The following MAP3K5 variants were observed in gnomAD, a reference collection of about 807,000 sequenced individuals.
MAP3K5 encodes mitogen-activated protein kinase kinase kinase 5.
Under a neutral mutation model 158.7 loss-of-function variants are expected in MAP3K5, and 56 were observed. That is an observed-to-expected ratio of 0.35 (90% confidence interval 0.28 to 0.44). The LOEUF (loss-of-function observed/expected upper bound fraction) is 0.44, where lower values mean the gene tolerates loss of function less well. Among genes scored for constraint, MAP3K5 ranks in the 20% least tolerant of loss-of-function variants. MAP3K5 has a pLI of 1.00. For missense variants in MAP3K5, 1,294 were observed against 1,674.8 expected (o/e 0.77, Z 3.97); for synonymous variants, 579 against 601.7 (o/e 0.96, Z 0.55).
intron 8 of MAP3K5, among the ~76,000 whole-genome samples, chr6:136,661,825 A>AT (rs1562590519): frequency 4.6e-5 from 7 of 152,160 alleles, no homozygotes; most frequent in African/African-American, 1.7e-4. Context: ...ACAGGCATGA[A>AT]CCACCATACC....
At chr6:136,600,646 C>T (rs945967412) in intron 21 of MAP3K5, among the ~76,000 whole-genome samples, 1 of 152,134 alleles carries the variant, frequency 6.6e-6, no homozygotes, top group African/African-American at 2.4e-5. Flanking sequence ...GAATGTATCA[C>T]CCCAAAGATG....
At chr6:136,718,436 A>G (rs1236551178) in intron 2 of MAP3K5, among the ~76,000 whole-genome samples, 1 of 152,180 alleles carries the variant, frequency 6.6e-6, no homozygotes, top group East Asian at 1.9e-4. Context: ...TCCTGGCCTC[A>G]AGTGATCCAA....
intron 26 of MAP3K5, among the ~76,000 whole-genome samples, chr6:136,567,357 G>A (rs937422658): frequency 6.6e-6 from 1 of 152,170 alleles, no homozygotes; most frequent in Non-Finnish European, 1.5e-5. Flanking sequence ...TTCTTAGACA[G>A]TCTATGAGGC....
chr6:136,585,438 T>C (rs890395269), intron 23 of MAP3K5, among the ~76,000 whole-genome samples: 1 of 151,076 alleles, frequency 6.6e-6, no homozygotes, highest in Non-Finnish European at 1.5e-5. Context: ...CTTTTCTCCT[T>C]TGAGCAAGGC....
At chr6:136,725,334 A>G (rs951555007) in intron 1 of MAP3K5, among the ~76,000 whole-genome samples, 3 of 152,354 alleles carry the variant, frequency 2.0e-5, no homozygotes, top group Non-Finnish European at 4.4e-5. Flanking sequence ...TATGAGGAGC[A>G]TCTCAGCTGT....
Position 136,558,864 on chromosome 6 carries a change from C to T in MAP3K5, c.4000G>A (p.Asp1334Asn). The change falls in exon 29 of 30, where the codon GAT (aspartate) becomes AAT (asparagine). Residue 1334 changes from aspartate (D) to asparagine (N), a missense_variant. Physicochemically the swap from Asp to Asn is conservative, Grantham distance 23. Transcript: ENST00000359015. ...EDTISRFLAE[D>N]YTLLDVLYYV... is the part of the protein sequence containing the mutation. ...TAGAGAACATCCAATAGTGTATAATCTTCAGCCAAAAACTGTAGAGAAAGT... is the reference window on the plus strand; with the variant it reads ...TAGAGAACATCCAATAGTGTATAATTTTCAGCCAAAAACTGTAGAGAAAGT... The T allele has an allele frequency of 6.3e-7, 1 of 1,591,708 alleles. No homozygotes were observed. Among genetic ancestry groups the T allele is most frequent in the Non-Finnish European group, 8.6e-7 (1 of 1,161,398 alleles).
intron 8 of MAP3K5, among the ~76,000 whole-genome samples, chr6:136,665,862 T>C (rs185199611): frequency 3.9e-5 from 6 of 152,334 alleles, no homozygotes; most frequent in African/African-American, 1.4e-4. Flanking sequence ...TACAGTAATA[T>C]ATATTTTCTA....
intron 1 of MAP3K5, among the ~76,000 whole-genome samples, chr6:136,783,215 T>C (rs1784691566): frequency 6.6e-6 from 1 of 151,380 alleles, no homozygotes; most frequent in Admixed American, 6.6e-5. Flanking sequence ...AGGCGGAGGT[T>C]GCAGTTGGAG....
intron 20 of MAP3K5, 143 bp from the exon 21 acceptor site, chr6:136,601,185 C>A: frequency 4.4e-6 from 3 of 676,406 alleles, no homozygotes; most frequent in Admixed American, 2.9e-5. Context: ...CCAATATAAA[C>A]ATCAAAAAAC....
intron 9 of MAP3K5, 43 bp downstream of exon 9, chr6:136,659,176 A>C: frequency 1.4e-6 from 2 of 1,471,614 alleles, no homozygotes; most frequent in Non-Finnish European, 9.4e-7. Flanking sequence ...AACAATATGG[A>C]GCTGTTTATT....
In MAP3K5 at chr6:136,637,000, T is replaced by C. The variant is rs1777667678; in HGVS notation, c.2016+325A>G. The stretch of plus-strand genomic sequence containing the variant: ...ACCAGAATCTTCAGTGAATCTTCTT[T>C]GTCTGAATTGCACATATCTCAGAGG... On this transcript the variant is annotated intron_variant, in intron 14 of 29. Coordinates refer to ENST00000359015, the MANE Select transcript of MAP3K5 (RefSeq NM_005923.4). 5 of 1,070,712 alleles carry C rather than the reference T, an allele frequency of 4.7e-6. No individual in the cohort carries two copies. In the South Asian group the frequency reaches 1.6e-4, roughly 35 times the overall value. 66.3% of individuals were successfully genotyped at this position (1,070,712 alleles called of 1,614,324 possible). A position where few individuals can be genotyped will look rare whatever the true frequency, so the allele number is the denominator to read the frequency against.
Position 136,649,126 on chromosome 6 carries a change from C to T in MAP3K5, c.1788+1858G>A, listed in dbSNP as rs139832771. On this transcript the variant is annotated intron_variant, in intron 11 of 29. Coordinates refer to ENST00000359015, the MANE Select transcript of MAP3K5 (RefSeq NM_005923.4). Reference sequence around the variant, plus strand: ...TGGGGATTACAGGCAAGTGCCACCACGCCCGGCTAATTTTTGTATTTTTAG... The same window carrying T: ...TGGGGATTACAGGCAAGTGCCACCATGCCCGGCTAATTTTTGTATTTTTAG... 7.6e-3 allele frequency among the ~76,000 whole-genome samples: 1,153 copies of T among 152,254 alleles called. 16 individuals are homozygous for T. The highest frequency in any genetic ancestry group is 0.025 in the African/African-American group (1,057 of 41,550).
intron 5 of MAP3K5, 80 bp downstream of exon 5, chr6:136,697,139 A>AGT: frequency 7.7e-7 from 1 of 1,298,238 alleles, no homozygotes; most frequent in African/African-American, 1.5e-5. Flanking sequence ...GCTTACCAGC[A>AGT]AACTGAAATT....
intron 8 of MAP3K5, among the ~76,000 whole-genome samples, chr6:136,666,108 A>G (rs949931516): frequency 6.6e-6 from 1 of 152,220 alleles, no homozygotes; most frequent in African/African-American, 2.4e-5. Flanking sequence ...GAAAACAGGA[A>G]GAAGATGTAG....
chr6:136,666,000 C>T (rs1213055551), intron 8 of MAP3K5, among the ~76,000 whole-genome samples: 1 of 152,164 alleles, frequency 6.6e-6, no homozygotes, highest in Non-Finnish European at 1.5e-5. Flanking sequence ...GACTCTCACC[C>T]ATAAAATGTC....
At chr6:136,732,258 CTACCAAAAA>C (rs1390143997) in intron 1 of MAP3K5, among the ~76,000 whole-genome samples, 1 of 152,044 alleles carries the variant, frequency 6.6e-6, no homozygotes, top group Non-Finnish European at 1.5e-5. Flanking sequence ...AATACCGTCT[CTACCAAAAA>C]TACAAAAACT....
intron 3 of MAP3K5, among the ~76,000 whole-genome samples, chr6:136,700,336 C>G (rs1222856201): frequency 2.0e-5 from 3 of 152,034 alleles, no homozygotes; most frequent in Admixed American, 2.0e-4. Flanking sequence ...GATAGAGAAA[C>G]AGACACGTGC....
At chr6:136,625,939 CT>C (rs56680857) in intron 14 of MAP3K5, among the ~76,000 whole-genome samples, 6,224 of 152,080 alleles carry the variant, frequency 0.041, 430 homozygotes, top group African/African-American at 0.14. Context: ...AAAGGCCAGA[CT>C]TGAAAGAGAA....
At chr6:136,752,316 A>C (rs1460485048) in intron 1 of MAP3K5, among the ~76,000 whole-genome samples, 3 of 152,112 alleles carry the variant, frequency 2.0e-5, no homozygotes, top group Non-Finnish European at 4.4e-5. Flanking sequence ...GATGGTGCCG[A>C]GGAAACAACA....
Sources: gnomAD v4.1 joint callset for allele counts (sites outside exome capture counted in the v4.1 genomes callset) on GRCh38, gnomAD v4.1.1 for gene constraint, MANE v1.5 for transcripts, NCBI Gene and HGNC (gene_info 2026-07-23, HGNC 2026-07-21) for gene names.